Variants in UVRAG observed in about 807,000 individuals in gnomAD.
The protein encoded by UVRAG is UV radiation resistance-associated gene protein.
UVRAG carries 19 observed loss-of-function variants against 78.0 expected under a neutral mutation model. The observed-to-expected ratio is 0.24, with a 90% confidence interval of 0.17 to 0.36. The LOEUF is 0.36. Among genes scored for constraint, UVRAG ranks in the 10% least tolerant of loss-of-function variants. The pLI is 1.00. For synonymous variants in UVRAG, 323 were observed against 324.6 expected (o/e 1.00, Z 0.05); for missense variants, 740 against 853.8 (o/e 0.87, Z 1.66).
At chr11:76,132,177 G>A (rs1300653935) in intron 14 of UVRAG, among the ~76,000 whole-genome samples, 1 of 152,184 alleles carries the variant, frequency 6.6e-6, no homozygotes, top group East Asian at 1.9e-4. Flanking sequence ...CTAGTACCTA[G>A]AGCTTCAAAC....
At chr11:76,095,220 T>A (rs989941882) in intron 13 of UVRAG, among the ~76,000 whole-genome samples, 1 of 152,124 alleles carries the variant, frequency 6.6e-6, no homozygotes, top group Non-Finnish European at 1.5e-5. Context: ...GGTCTTCCTA[T>A]TCCCCAACTT....
At chr11:76,008,732 G>A (rs909654078) in intron 10 of UVRAG, 75 bp from the exon 11 acceptor site, 11 of 813,418 alleles carry the variant, frequency 1.4e-5, no homozygotes, top group South Asian at 1.9e-5. Flanking sequence ...AGTCAGCACC[G>A]ACCTGCTGAT....
chr11:75,895,953 A>G (rs1037307283), intron 5 of UVRAG, among the ~76,000 whole-genome samples: 6 of 152,252 alleles, frequency 3.9e-5, no homozygotes, highest in East Asian at 1.9e-4. Context: ...ATACAAAAGT[A>G]TAAGACATGG....
intron 3 of UVRAG, among the ~76,000 whole-genome samples, chr11:75,862,547 C>T (rs1269735626): frequency 6.6e-6 from 1 of 152,180 alleles, no homozygotes; most frequent in Non-Finnish European, 1.5e-5. Context: ...CCAGGTGTAC[C>T]TCTTTCAGTG....
chr11:75,859,928 T>C (rs900805868), intron 2 of UVRAG, among the ~76,000 whole-genome samples: 3 of 152,216 alleles, frequency 2.0e-5, no homozygotes, highest in Non-Finnish European at 2.9e-5. Context: ...TTTGATTTAT[T>C]CAGCCAGGTA....
chr11:75,860,032 C>T (rs1050400561), intron 2 of UVRAG, among the ~76,000 whole-genome samples: 7 of 152,280 alleles, frequency 4.6e-5, no homozygotes, highest in African/African-American at 1.7e-4. Context: ...GCAACCTCCA[C>T]CTTCTGGGTT....
chr11:75,904,909 ATAAT>A (rs1947583528), intron 5 of UVRAG, among the ~76,000 whole-genome samples: 1 of 152,182 alleles, frequency 6.6e-6, no homozygotes, highest in Non-Finnish European at 1.5e-5. Flanking sequence ...ATCTCATTTT[ATAAT>A]TAAAGAAACT....
chr11:75,913,891 G>T (rs895934397), intron 6 of UVRAG, among the ~76,000 whole-genome samples: 1 of 152,230 alleles, frequency 6.6e-6, no homozygotes, highest in African/African-American at 2.4e-5. Flanking sequence ...ATCTTGCAAT[G>T]ATTTGGCTCT....
intron 8 of UVRAG, among the ~76,000 whole-genome samples, chr11:75,990,217 C>T (rs1949578467): frequency 6.6e-6 from 1 of 152,124 alleles, no homozygotes; most frequent in African/African-American, 2.4e-5. Context: ...AAGGAACAGG[C>T]TTTGATTCAG....
At chr11:75,848,828 T>C (rs1176197008) in intron 1 of UVRAG, among the ~76,000 whole-genome samples, 1 of 152,238 alleles carries the variant, frequency 6.6e-6, no homozygotes, top group Non-Finnish European at 1.5e-5. Context: ...TCTTTCCTTC[T>C]TTTGAGATAT....
At position 76,141,757 on chromosome 11, in the gene UVRAG, A is replaced by G. The variant is rs565317739; in HGVS notation, c.*344A>G. On this transcript the variant is annotated 3_prime_UTR_variant, in exon 15 of 15. Coordinates refer to ENST00000356136, the MANE Select transcript of UVRAG (RefSeq NM_003369.4). ...GAGGGAAGATGATAATATATAAATAATATAATGAACACACCCTTAGTTTCT... is the reference window on the plus strand; with the variant it reads ...GAGGGAAGATGATAATATATAAATAGTATAATGAACACACCCTTAGTTTCT... 1.6e-5 allele frequency: 4 copies of G among 249,830 alleles called. No individual in the cohort carries two copies. In the South Asian group the frequency reaches 2.4e-4, roughly 15 times the overall value. The allele number at this position is 249,830 out of a possible 1,614,324, so 15.5% of individuals were successfully genotyped here. A position where few individuals can be genotyped will look rare whatever the true frequency, so the allele number is the denominator to read the frequency against.
chr11:76,064,317 A>G (rs1019525700), intron 12 of UVRAG, among the ~76,000 whole-genome samples: 2 of 152,212 alleles, frequency 1.3e-5, no homozygotes, highest in Non-Finnish European at 2.9e-5. Flanking sequence ...TTTTCTCTAA[A>G]GTGCCCCTGT....
chr11:75,991,209 A>G (rs1949599788), intron 8 of UVRAG, among the ~76,000 whole-genome samples: 1 of 152,226 alleles, frequency 6.6e-6, no homozygotes, highest in South Asian at 2.1e-4. Context: ...TGTTTTGTAC[A>G]TACAAGGCCT....
At chr11:75,906,220 G>A (rs998674815) in intron 5 of UVRAG, among the ~76,000 whole-genome samples, 17 of 150,746 alleles carry the variant, frequency 1.1e-4, no homozygotes, top group Admixed American at 1.0e-3. Flanking sequence ...ATAATTTACT[G>A]ATTTTTTTGT....
chr11:76,131,616 C>T (rs899861057), intron 14 of UVRAG, among the ~76,000 whole-genome samples: 6 of 152,128 alleles, frequency 3.9e-5, no homozygotes, highest in Non-Finnish European at 8.8e-5. Context: ...AGCAAAGCCC[C>T]GGGGGAAAAG....
At chr11:75,924,305 A>G (rs1416404673) in intron 6 of UVRAG, among the ~76,000 whole-genome samples, 1 of 152,058 alleles carries the variant, frequency 6.6e-6, no homozygotes, top group East Asian at 1.9e-4. Context: ...AGTATATTTT[A>G]TATATAAAAT....
chr11:75,874,725 T>C (rs1006747155), intron 3 of UVRAG, among the ~76,000 whole-genome samples: 7 of 152,270 alleles, frequency 4.6e-5, no homozygotes, highest in Admixed American at 1.3e-4. Flanking sequence ...GCTATTGCTG[T>C]AATTAGTTTT....
At chr11:75,951,368 T>TTTTG (rs140611039) in intron 6 of UVRAG, among the ~76,000 whole-genome samples, 56 of 150,404 alleles carry the variant, frequency 3.7e-4, no homozygotes, top group African/African-American at 7.0e-4. Context: ...TGTATATATT[T>TTTTG]TTTGTTTGTT....
At chr11:76,067,390 G>A (rs775689738) in intron 13 of UVRAG, among the ~76,000 whole-genome samples, 1 of 152,090 alleles carries the variant, frequency 6.6e-6, no homozygotes, top group Non-Finnish European at 1.5e-5. Flanking sequence ...CAAGACTGCC[G>A]AGCTCCCACT....
Sources: gnomAD v4.1 joint callset for allele counts (sites outside exome capture counted in the v4.1 genomes callset) on GRCh38, gnomAD v4.1.1 for gene constraint, MANE v1.5 for transcripts, NCBI Gene and HGNC (gene_info 2026-07-23, HGNC 2026-07-21) for gene names.